UBA7: variants seen among roughly 807,000 people sequenced by gnomAD.
UBA7 encodes the protein ubiquitin-like modifier-activating enzyme 7.
In UBA7, 88 loss-of-function variants were observed where a neutral mutation model predicts 113.0. The ratio of observed to expected loss-of-function variants is 0.78; its 90% CI spans 0.66 to 0.93. UBA7 has a LOEUF of 0.93. Among genes scored for constraint, UBA7 ranks in the 40% least tolerant of loss-of-function variants. The pLI is 0.00. For synonymous variants in UBA7, 459 were observed against 513.0 expected (o/e 0.89, Z 1.42); for missense variants, 1,092 against 1,266.4 (o/e 0.86, Z 2.09).
In UBA7 at chr3:49,806,376, C is replaced by T. The variant is rs540763631; in HGVS notation, c.2716-211G>A. The T allele has an allele frequency of 4.0e-4, 240 of 596,130 alleles. 2 individuals carry two copies. The highest frequency in any genetic ancestry group is 3.6e-3 in the Admixed American group (121 of 33,668). The allele number at this position is 596,130 out of a possible 1,614,324, so 36.9% of individuals were successfully genotyped here. On this transcript the variant is annotated intron_variant, in intron 21 of 23. Transcript: ENST00000333486. ...GCACAGGAAATGGGGCTATGGGGCC[C>T]GCACAGGGAAACAGACGATCCATCA...
chr3:49,809,257 A>T, intron 17 of UBA7, 98 bp from the exon 18 acceptor site: 1 of 1,536,480 alleles, frequency 6.5e-7, no homozygotes, highest in Non-Finnish European at 8.8e-7. Flanking sequence ...TTTGCCTCAC[A>T]TGTAGACACC....
chr3:49,805,505 G>A, intron 23 of UBA7, 68 bp from the exon 24 acceptor site: 1 of 1,475,226 alleles, frequency 6.8e-7, no homozygotes, highest in Non-Finnish European at 9.4e-7. Context: ...GCCTGGCATG[G>A]ACTAGAGAGG....
Position 49,806,066 on chromosome 3 carries a change from G to T in UBA7, c.2808+7C>A. The T allele has an allele frequency of 6.3e-7, 1 of 1,586,020 alleles. No individual in the cohort carries two copies. Among genetic ancestry groups the T allele is most frequent in the Non-Finnish European group, 8.6e-7 (1 of 1,166,468 alleles). The stretch of plus-strand genomic sequence containing the variant: ...AGCCTGGGGGTTGGGGTAGCAACAG[G>T]GCACACCTGAAGATGAGCCAGCAGC... On this transcript the variant is annotated splice_region_variant and intron_variant, in intron 22 of 23. Coordinates refer to ENST00000333486, the MANE Select transcript of UBA7 (RefSeq NM_003335.3).
At chr3:49,808,163 C>T (rs772849606) in intron 19 of UBA7, 51 bp from the exon 20 acceptor site, 48 of 1,602,312 alleles carry the variant, frequency 3.0e-5, no homozygotes, top group Middle Eastern at 1.7e-4. Context: ...TGCCCCTCAC[C>T]GTGGCCCACT....
rs758452297 is a variant in UBA7 at position 49,812,559 on chromosome 3, C to T, written c.559-16G>A. 1 of 1,614,024 alleles carries T rather than the reference C, an allele frequency of 6.2e-7. No homozygotes were observed. Among genetic ancestry groups the T allele is most frequent in the African/African-American group, 1.3e-5 (1 of 74,936 alleles). On this transcript the variant is annotated splice_polypyrimidine_tract_variant and intron_variant, in intron 5 of 23. Transcript: ENST00000333486. ...CAGGGGAGCCCTGGGTAGGAGGAGG[C>T]TTGGCTCAGGGTTGCCTGGACCTGC... is the stretch of plus-strand genomic sequence containing the variant.
Position 49,806,214 on chromosome 3 carries a change from C to G in UBA7, c.2716-49G>C, listed in dbSNP as rs201594051. On this transcript the variant is annotated intron_variant, in intron 21 of 23. Coordinates refer to ENST00000333486, the MANE Select transcript of UBA7 (RefSeq NM_003335.3). ...CAGAGACTTCTTACCTCCCCCCAACCCCCATCCCAGTTACCAGCAGCCTTT... is the reference window on the plus strand; with the variant it reads ...CAGAGACTTCTTACCTCCCCCCAACGCCCATCCCAGTTACCAGCAGCCTTT... 976 of 1,495,066 alleles carry G rather than the reference C, an allele frequency of 6.5e-4. 8 individuals are homozygous for G. The African/African-American group carries it at 0.013, about 19-fold the overall frequency. 92.6% of individuals were successfully genotyped at this position (1,495,066 alleles called of 1,614,324 possible). A position where few individuals can be genotyped will look rare whatever the true frequency, so the allele number is the denominator to read the frequency against.
At chr3:49,811,135 C>T in intron 9 of UBA7, 44 bp from the exon 10 acceptor site, 1 of 1,607,684 alleles carries the variant, frequency 6.2e-7, no homozygotes, top group Non-Finnish European at 8.5e-7. Flanking sequence ...CACCTCCTGA[C>T]CCCCCTCAGA....
chr3:49,809,908 T>A (rs374264419), intron 14 of UBA7, 29 bp from the exon 15 acceptor site: 5 of 1,613,922 alleles, frequency 3.1e-6, no homozygotes, highest in African/African-American at 1.3e-5. Flanking sequence ...GAATGAGGTA[T>A]CAGGTGGAGA....
chr3:49,806,228 C>T, intron 21 of UBA7, 63 bp from the exon 22 acceptor site: 1 of 1,436,590 alleles, frequency 7.0e-7, no homozygotes, highest in Non-Finnish European at 9.5e-7. Context: ...ATCCCAGTTA[C>T]CAGCAGCCTT....
Position 49,810,603 on chromosome 3 carries a change from T to G in UBA7, c.1381A>C (p.Ser461Arg), listed in dbSNP as rs1389852745. 6.2e-7 allele frequency: 1 copy of G among 1,614,136 alleles called. No individual in the cohort carries two copies. The highest frequency in any genetic ancestry group is 1.7e-5 in the Admixed American group (1 of 60,024). Residue 461 changes from serine to arginine, a missense_variant, in exon 12 of 24, where the codon AGC becomes CGC. Physicochemically the swap from Ser to Arg is moderately radical, Grantham distance 110. Transcript: ENST00000333486. The surrounding 1 kb of genome is among the most constrained non-coding windows in gnomAD (Gnocchi z 5.6). The part of the protein sequence containing the change: ...FALVGLGAGN[S>R]GGLTVVDMDH... ...ATGTCAACAACAGTCAAGCCCCCGC[T>G]GTTCCCGGCCCCCAGTCCCACTAGG... is the stretch of plus-strand genomic sequence containing the variant.
rs1403197030 is a variant in UBA7 at position 49,813,351 on chromosome 3, G to A, written c.258C>T (p.Ser86=). The change falls in exon 3 of 24, where the codon AGC becomes AGT. Residue 86 remains serine, a synonymous_variant. Transcript: ENST00000333486. Reference sequence around the variant, plus strand: ...AGAGCTCTTGAGAGGCCTCGGCTCTGCTCCTTTCCAAGTCCTGCTCTGAGA... The same window carrying A: ...AGAGCTCTTGAGAGGCCTCGGCTCTACTCCTTTCCAAGTCCTGCTCTGAGA... ...FLLSEQDLER[S]RAEASQELLA... is the part of the protein sequence containing the mutation. The A allele has an allele frequency of 1.9e-6, 3 of 1,614,088 alleles. No homozygotes were observed. The highest frequency in any genetic ancestry group is 2.2e-5 in the South Asian group (2 of 91,076).
At chr3:49,809,193 G>C in intron 17 of UBA7, 34 bp from the exon 18 acceptor site, 1 of 1,584,688 alleles carries the variant, frequency 6.3e-7, no homozygotes, top group South Asian at 1.1e-5. Flanking sequence ...ACAGAGGCAT[G>C]GGTGCATGGG....
chr3:49,807,591 G>T lies in UBA7; in HGVS notation c.2715+145C>A. The T allele has an allele frequency of 9.3e-7, 1 of 1,075,704 alleles. No homozygotes were observed. Among genetic ancestry groups the T allele is most frequent in the Non-Finnish European group, 1.3e-6 (1 of 768,720 alleles). 66.6% of individuals were successfully genotyped at this position (1,075,704 alleles called of 1,614,324 possible). A position where few individuals can be genotyped will look rare whatever the true frequency, so the allele number is the denominator to read the frequency against. ...TGACAGGTCCCAGCCTGGCTTCATA[G>T]CAGGAAGAGGGCTGGAGGGAGTCTT... On this transcript the variant is annotated intron_variant, in intron 21 of 23. Transcript: ENST00000333486. The surrounding 1 kb of genome is among the most constrained non-coding windows in gnomAD (Gnocchi z 4.0).
Position 49,811,045 on chromosome 3 carries a change from T to C in UBA7, c.1169A>G (p.Asp390Gly). ...FMPLDQWLYF[D>G]ALDCLPEDGE... ...ATCTTCCGGAAGACAATCGAGGGCA[T>C]CAAAGTAAAGCCACTGGTCCAGAGG... Residue 390 changes from aspartate (D) to glycine (G), a missense_variant, in exon 10 of 24, where the codon GAT (aspartate) becomes GGT (glycine). Asp to Gly is a moderately conservative substitution (Grantham distance 94). Coordinates refer to ENST00000333486, the MANE Select transcript of UBA7 (RefSeq NM_003335.3). 6.2e-7 allele frequency: 1 copy of C among 1,614,090 alleles called. No homozygotes were observed.
In UBA7 at chr3:49,809,164, A is replaced by AG; in HGVS notation, c.2164-6dup. The stretch of plus-strand genomic sequence containing the variant: ...TACGTAGAGGAGGTGTGTGTCCTGC[A>AG]GCCAGACCAAGAGCAGGAACAGAGG... On this transcript the variant is annotated splice_region_variant and splice_polypyrimidine_tract_variant and intron_variant, in intron 17 of 23. Transcript: ENST00000333486. The AG allele has an allele frequency of 5.6e-6, 9 of 1,606,542 alleles. No homozygotes were observed. Among genetic ancestry groups the AG allele is most frequent in the Non-Finnish European group, 7.7e-6 (9 of 1,175,914 alleles).
chr3:49,811,635 G>T, intron 8 of UBA7, 180 bp from the exon 9 acceptor site: 1 of 1,123,938 alleles, frequency 8.9e-7, no homozygotes, highest in Non-Finnish European at 1.2e-6. Context: ...GTACCAGACA[G>T]CAGTCCAGGA....
At position 49,812,709 on chromosome 3, in the gene UBA7, A is replaced by C; in HGVS notation, c.497T>G (p.Phe166Cys). Residue 166 changes from phenylalanine to cysteine, a missense_variant, in exon 5 of 24, where the codon TTC (phenylalanine) becomes TGC (cysteine). Physicochemically the swap from Phe to Cys is radical, Grantham distance 205 (BLOSUM62 -2). This residue lies in a region of UBA7 where 584 missense variants were observed against 714.5 expected (regional missense o/e 0.82). Transcript: ENST00000333486. ...TGCCTCTGTGGGGTCCTGCACAGTGAAGTCCTCACCAAAGTCACAGAACAA... is the reference window on the plus strand; with the variant it reads ...TGCCTCTGTGGGGTCCTGCACAGTGCAGTCCTCACCAAAGTCACAGAACAA... ...GQLFCDFGED[F>C]TVQDPTEAEP... 1 of 1,614,196 alleles carries C rather than the reference A, an allele frequency of 6.2e-7. No individual in the cohort carries two copies. The highest frequency in any genetic ancestry group is 2.2e-5 in the East Asian group (1 of 44,872).
At chr3:49,806,236 C>T in intron 21 of UBA7, 71 bp from the exon 22 acceptor site, 1 of 1,389,812 alleles carries the variant, frequency 7.2e-7, no homozygotes, top group Non-Finnish European at 9.9e-7. Flanking sequence ...TACCAGCAGC[C>T]TTTCCTAGGG....
intron 21 of UBA7, among the ~76,000 whole-genome samples, chr3:49,806,613 G>T (rs183026880): frequency 9.9e-5 from 15 of 152,192 alleles, no homozygotes; most frequent in Admixed American, 9.8e-4. Context: ...GACCACCAGG[G>T]CCCCACTGTC....
Sources: allele counts gnomAD v4.1 joint callset (sites outside exome capture counted in the v4.1 genomes callset), GRCh38; gene constraint gnomAD v4.1.1; regional missense constraint gnomAD v4.1.1; non-coding constraint Gnocchi (gnomAD v3.1); transcripts MANE v1.5; gene names NCBI Gene and HGNC (gene_info 2026-07-23, HGNC 2026-07-21).